The following DTD1 variants were observed in gnomAD, a reference collection of about 807,000 sequenced individuals.
DTD1 encodes the protein D-aminoacyl-tRNA deacylase 1, also known as D-tyrosyl-tRNA deacylase 1 homolog.
Under a neutral mutation model 25.6 loss-of-function variants are expected in DTD1, and 13 were observed. The ratio of observed to expected loss-of-function variants is 0.51; its 90% CI spans 0.33 to 0.81. The LOEUF (loss-of-function observed/expected upper bound fraction) is 0.81, where lower values mean the gene tolerates loss of function less well. Ranked by LOEUF, DTD1 falls within the 30% of genes least tolerant of loss-of-function variation. The probability of loss-of-function intolerance (pLI) is 0.02; values close to 1 mark genes in which losing one functional copy is unlikely to be tolerated. For synonymous variants in DTD1, 110 were observed against 103.6 expected (o/e 1.06, Z -0.37); for missense variants, 193 against 266.4 (o/e 0.72, Z 1.92).
chr20:18,637,896 C>T (rs1377523387), intron 4 of DTD1, among the ~76,000 whole-genome samples: 1 of 152,192 alleles, frequency 6.6e-6, no homozygotes, highest in East Asian at 1.9e-4. Context: ...TGTCTCTGCT[C>T]ATCCACCTGA....
intron 4 of DTD1, among the ~76,000 whole-genome samples, chr20:18,720,816 C>T (rs531021765): frequency 6.6e-6 from 1 of 152,184 alleles, no homozygotes; most frequent in African/African-American, 2.4e-5. Context: ...CGAGATCAAA[C>T]CACTGCACTC....
intron 1 of DTD1, among the ~76,000 whole-genome samples, chr20:18,590,334 C>A (rs73112620): frequency 2.0e-5 from 3 of 152,060 alleles, no homozygotes; most frequent in African/African-American, 7.2e-5. Flanking sequence ...GTGCCGCCAC[C>A]GCTATGTCCA....
chr20:18,621,394 A>G (rs774443516), intron 3 of DTD1, among the ~76,000 whole-genome samples: 24 of 152,270 alleles, frequency 1.6e-4, no homozygotes, highest in Non-Finnish European at 2.9e-4. Flanking sequence ...TTCTCTGTCA[A>G]GTTACTGTTT....
chr20:18,607,994 G>T (rs1004494570), intron 3 of DTD1, among the ~76,000 whole-genome samples: 1 of 152,100 alleles, frequency 6.6e-6, no homozygotes, highest in Non-Finnish European at 1.5e-5. Flanking sequence ...GATTATAGGC[G>T]TTAGCCACTG....
rs573743134 is a variant in DTD1 at position 18,616,106 on chromosome 20, T to G, written c.371-12021T>G. Among the ~76,000 whole-genome samples, 142 of 152,360 alleles carry G rather than the reference T, an allele frequency of 9.3e-4. 1 individual carries two copies. Among genetic ancestry groups the G allele is most frequent in the Non-Finnish European group, 1.7e-3 (119 of 68,034 alleles). On this transcript the variant is annotated intron_variant, in intron 3 of 5. Coordinates refer to ENST00000377452, the MANE Select transcript of DTD1 (RefSeq NM_080820.6). ...TTTAGGAAATTATAATGTGGGATCG[T>G]GTCTTCATTGTTAATGAATGGCAGG...
intron 4 of DTD1, chr20:18,632,217 G>A (rs2060791314): frequency 1.0e-6 from 1 of 985,294 alleles, no homozygotes; most frequent in African/African-American, 1.7e-5. Flanking sequence ...AACGAGCCAT[G>A]TTAACTTATA....
At chr20:18,592,786 G>A (rs1046174181) in intron 1 of DTD1, among the ~76,000 whole-genome samples, 5 of 151,460 alleles carry the variant, frequency 3.3e-5, no homozygotes, top group African/African-American at 7.3e-5. Flanking sequence ...GGGTTCAAGC[G>A]ATTCTCCTGC....
chr20:18,697,075 C>CA (rs1273521986), intron 4 of DTD1, among the ~76,000 whole-genome samples: 1 of 151,502 alleles, frequency 6.6e-6, no homozygotes, highest in Non-Finnish European at 1.5e-5. Context: ...ACTAAAAATA[C>CA]AAAAAAATTG....
intron 4 of DTD1, among the ~76,000 whole-genome samples, chr20:18,732,767 A>G (rs1333955223): frequency 6.6e-6 from 1 of 152,214 alleles, no homozygotes; most frequent in African/African-American, 2.4e-5. Flanking sequence ...AAGAATTAGC[A>G]TATATAATAA....
chr20:18,683,223 T>G (rs2061004185), intron 4 of DTD1, among the ~76,000 whole-genome samples: 2 of 152,196 alleles, frequency 1.3e-5, no homozygotes, highest in South Asian at 4.1e-4. Context: ...GGTTCCAAAG[T>G]TGGCCCTAGG....
chr20:18,686,902 C>G (rs2061019276), intron 4 of DTD1, among the ~76,000 whole-genome samples: 1 of 152,172 alleles, frequency 6.6e-6, no homozygotes, highest in Non-Finnish European at 1.5e-5. Context: ...AATGCAGACT[C>G]ACTCAGGCCT....
intron 4 of DTD1, among the ~76,000 whole-genome samples, chr20:18,688,672 G>T (rs2122428660): frequency 6.6e-6 from 1 of 152,174 alleles, no homozygotes; most frequent in South Asian, 2.1e-4. Flanking sequence ...ATACTAGATT[G>T]CCAAGTGTTA....
chr20:18,614,463 T>A (rs1600319568), intron 3 of DTD1, among the ~76,000 whole-genome samples: 1 of 152,110 alleles, frequency 6.6e-6, no homozygotes, highest in South Asian at 2.1e-4. Flanking sequence ...CACGGCCAGG[T>A]CCCCAGTAAA....
intron 4 of DTD1, among the ~76,000 whole-genome samples, chr20:18,735,548 T>C (rs1480219821): frequency 6.6e-6 from 1 of 152,206 alleles, no homozygotes; most frequent in African/African-American, 2.4e-5. Flanking sequence ...TGTTCTTGAT[T>C]TTTCGGAATG....
chr20:18,596,338 G>C, intron 3 of DTD1, 97 bp downstream of exon 3: 1 of 1,022,480 alleles, frequency 9.8e-7, no homozygotes, highest in South Asian at 1.6e-5. Flanking sequence ...TTTCTGGAAA[G>C]TCATTGTTTA....
At chr20:18,665,594 C>A (rs2060928757) in intron 4 of DTD1, among the ~76,000 whole-genome samples, 1 of 152,190 alleles carries the variant, frequency 6.6e-6, no homozygotes, top group African/African-American at 2.4e-5. Context: ...ACAAGTGGCT[C>A]TGAAACATCT....
At chr20:18,665,319 TCAGA>T (rs1409749044) in intron 4 of DTD1, among the ~76,000 whole-genome samples, 5 of 152,312 alleles carry the variant, frequency 3.3e-5, no homozygotes, top group South Asian at 2.1e-4. Flanking sequence ...ACAGCAGCTC[TCAGA>T]CAGATGCCAG....
chr20:18,708,542 GA>G (rs2061145414), intron 4 of DTD1, among the ~76,000 whole-genome samples: 1 of 149,648 alleles, frequency 6.7e-6, no homozygotes, highest in South Asian at 2.1e-4. Flanking sequence ...ATTTAGTAGA[GA>G]TGGGGTTTCA....
In DTD1 at chr20:18,744,083, T is replaced by A; in HGVS notation, c.478-17T>A. ...TTTGTGTTTGTAAAATATTCTTTTTTATTTTTATTTAATCAGCTGTCAAAG... is the reference window on the plus strand; with the variant it reads ...TTTGTGTTTGTAAAATATTCTTTTTAATTTTTATTTAATCAGCTGTCAAAG... On this transcript the variant is annotated splice_polypyrimidine_tract_variant and intron_variant, in intron 4 of 5. Coordinates refer to ENST00000377452, the MANE Select transcript of DTD1 (RefSeq NM_080820.6). The A allele has an allele frequency of 6.4e-7, 1 of 1,558,016 alleles. No homozygotes were observed. The highest frequency in any genetic ancestry group is 1.2e-5 in the South Asian group (1 of 84,372).
Sources: allele counts gnomAD v4.1 joint callset (sites outside exome capture counted in the v4.1 genomes callset), GRCh38; gene constraint gnomAD v4.1.1; transcripts MANE v1.5; gene names NCBI Gene and HGNC (gene_info 2026-07-23, HGNC 2026-07-21).